Variants in OSBPL8 observed in about 807,000 individuals in gnomAD.
OSBPL8 encodes the protein oxysterol binding protein like 8.
In OSBPL8, 59 loss-of-function variants were observed where a neutral mutation model predicts 125.5. The ratio of observed to expected loss-of-function variants is 0.47; its 90% CI spans 0.38 to 0.58. OSBPL8 has a LOEUF of 0.58. OSBPL8 is among the 20% of genes least tolerant of loss of function. The pLI is 0.00. For missense variants in OSBPL8, 758 were observed against 1,047.8 expected, an observed-to-expected ratio of 0.72 and a Z score of 3.82; for synonymous variants, 330 against 338.9, an observed-to-expected ratio of 0.97 and a Z score of 0.29.
At chr12:76,442,797 T>C (rs1446002847) in intron 4 of OSBPL8, among the ~76,000 whole-genome samples, 1 of 152,218 alleles carries the variant, frequency 6.6e-6, no homozygotes, top group Non-Finnish European at 1.5e-5. Flanking sequence ...TTCTAGGTCT[T>C]TCTTATCTGT....
intron 4 of OSBPL8, among the ~76,000 whole-genome samples, chr12:76,418,411 C>G (rs995654253): frequency 2.0e-4 from 31 of 152,122 alleles, no homozygotes; most frequent in African/African-American, 7.5e-4. Flanking sequence ...AAGCCAAATT[C>G]CTTCCAAATG....
intron 1 of OSBPL8, among the ~76,000 whole-genome samples, chr12:76,499,465 C>T (rs1351035643): frequency 6.6e-6 from 1 of 152,090 alleles, no homozygotes; most frequent in Non-Finnish European, 1.5e-5. Flanking sequence ...TAGGCTCAAG[C>T]GATCAAGCGA....
chr12:76,426,215 T>C (rs1592661214), intron 4 of OSBPL8, among the ~76,000 whole-genome samples: 1 of 152,180 alleles, frequency 6.6e-6, no homozygotes, highest in South Asian at 2.1e-4. Flanking sequence ...TCAGATCATG[T>C]TCAAATAAGG....
intron 4 of OSBPL8, among the ~76,000 whole-genome samples, chr12:76,433,035 TA>T: frequency 6.6e-6 from 1 of 152,280 alleles, no homozygotes; most frequent in South Asian, 2.1e-4. Flanking sequence ...CATCTATTCA[TA>T]ACAAAAACTC....
intron 21 of OSBPL8, among the ~76,000 whole-genome samples, chr12:76,367,273 T>TA (rs1205594507): frequency 6.6e-6 from 1 of 150,758 alleles, no homozygotes; most frequent in Non-Finnish European, 1.5e-5. Context: ...TTGACCCTTT[T>TA]ATCAATACGC....
At chr12:76,410,419 C>T in intron 5 of OSBPL8, 145 bp downstream of exon 5, 1 of 558,386 alleles carries the variant, frequency 1.8e-6, no homozygotes, top group Non-Finnish European at 3.1e-6. Flanking sequence ...CCCAATGGAA[C>T]TTCACTCTTT....
intron 1 of OSBPL8, among the ~76,000 whole-genome samples, chr12:76,512,257 A>C (rs1592823703): frequency 6.6e-6 from 1 of 152,332 alleles, no homozygotes; most frequent in East Asian, 1.9e-4. Flanking sequence ...AGTTTGCTAA[A>C]GAAGAGAGCC....
At chr12:76,533,208 T>A (rs1026482819) in intron 1 of OSBPL8, among the ~76,000 whole-genome samples, 2 of 152,230 alleles carry the variant, frequency 1.3e-5, no homozygotes, top group African/African-American at 4.8e-5. Context: ...TGTTTCTTGC[T>A]AGGTTTTTAA....
intron 3 of OSBPL8, 102 bp downstream of exon 3, chr12:76,459,757 A>G: frequency 1.5e-6 from 2 of 1,336,814 alleles, no homozygotes; most frequent in Non-Finnish European, 2.1e-6. Context: ...AAAGTAGAAC[A>G]CTTAATAATT....
chr12:76,459,210 G>T (rs939691423), intron 3 of OSBPL8, among the ~76,000 whole-genome samples: 1 of 152,022 alleles, frequency 6.6e-6, no homozygotes, highest in Admixed American at 6.6e-5. Context: ...GCAATTCTAT[G>T]ATTTTTAATA....
chr12:76,478,281 T>A (rs748920225), intron 2 of OSBPL8, among the ~76,000 whole-genome samples: 2 of 152,108 alleles, frequency 1.3e-5, no homozygotes, highest in Non-Finnish European at 2.9e-5. Flanking sequence ...TCTGGAAAGT[T>A]CTACTGTGCC....
intron 16 of OSBPL8, among the ~76,000 whole-genome samples, chr12:76,376,304 C>T (rs1466442226): frequency 6.6e-6 from 1 of 152,190 alleles, no homozygotes; most frequent in Non-Finnish European, 1.5e-5. Flanking sequence ...GTCTAAGATG[C>T]TAAGGCAGCC....
rs146854959 is a variant in OSBPL8, at chr12:76,473,026, C to T, written c.43-13131G>A. Reference sequence around the variant, plus strand: ...AGACCATGGTCTGCTTGGCAACGGGCGTCTTTCCAGATGCTGGCGTTACCA... The same window carrying T: ...AGACCATGGTCTGCTTGGCAACGGGTGTCTTTCCAGATGCTGGCGTTACCA... On this transcript the variant is annotated intron_variant, in intron 2 of 23. Coordinates refer to ENST00000261183, the MANE Select transcript of OSBPL8 (RefSeq NM_020841.5). Among the ~76,000 whole-genome samples the T allele has an allele frequency of 1.0e-2, 1,515 of 152,184 alleles. 18 individuals carry two copies. Among genetic ancestry groups the T allele is most frequent in the Non-Finnish European group, 0.015 (1,016 of 68,008 alleles).
chr12:76,440,472 A>G (rs551728590), intron 4 of OSBPL8, among the ~76,000 whole-genome samples: 1 of 152,276 alleles, frequency 6.6e-6, no homozygotes, highest in East Asian at 1.9e-4. Flanking sequence ...TCTTCTCTAA[A>G]GAAGATTTGT....
rs1951967470 is a variant in OSBPL8 at position 76,355,968 on chromosome 12, T to C, written c.2591A>G (p.Tyr864Cys). The C allele has an allele frequency of 6.2e-7, 1 of 1,613,374 alleles. No individual in the cohort carries two copies. Among genetic ancestry groups the C allele is most frequent in the Non-Finnish European group, 8.5e-7 (1 of 1,179,638 alleles). The change falls in exon 24 of 24, where the codon TAT becomes TGT. Residue 864 changes from tyrosine (Y) to cysteine (C), a missense_variant. By Grantham distance (194) the Tyr-to-Cys change is radical (BLOSUM62 -2). This residue lies in a region of OSBPL8 where 572 missense variants were observed against 762.0 expected (regional missense o/e 0.75). Coordinates refer to ENST00000261183, the MANE Select transcript of OSBPL8 (RefSeq NM_020841.5). ...HLVSSTPATD[Y>C]FLQQKDYFII... Reference sequence around the variant, plus strand: ...GAAGTAGTCTTTTTGTTGCAGAAAATAATCCGTGGCCGGTGTGCTTGAAAC... The same window carrying C: ...GAAGTAGTCTTTTTGTTGCAGAAAACAATCCGTGGCCGGTGTGCTTGAAAC...
chr12:76,384,773 G>A (rs1430983991), intron 14 of OSBPL8, among the ~76,000 whole-genome samples: 1 of 152,186 alleles, frequency 6.6e-6, no homozygotes, highest in East Asian at 1.9e-4. Flanking sequence ...CAACAGCCAG[G>A]TGATGAACCT....
At chr12:76,364,498 C>T (rs370503481) in intron 21 of OSBPL8, among the ~76,000 whole-genome samples, 5 of 151,996 alleles carry the variant, frequency 3.3e-5, no homozygotes, top group East Asian at 3.9e-4. Flanking sequence ...CGGGACCTGT[C>T]GGTGGGTGGG....
intron 1 of OSBPL8, among the ~76,000 whole-genome samples, chr12:76,490,046 C>G (rs923695673): frequency 1.3e-5 from 2 of 152,174 alleles, no homozygotes; most frequent in Admixed American, 1.3e-4. Context: ...AGCAAGACAA[C>G]TAGAATTAGA....
At chr12:76,436,128 C>T (rs1871412102) in intron 4 of OSBPL8, among the ~76,000 whole-genome samples, 1 of 152,088 alleles carries the variant, frequency 6.6e-6, no homozygotes, top group African/African-American at 2.4e-5. Context: ...ACTGGTGTCT[C>T]CACTCCCTTT....
Sources: gnomAD v4.1 joint callset for allele counts (sites outside exome capture counted in the v4.1 genomes callset) on GRCh38, gnomAD v4.1.1 for gene constraint, gnomAD v4.1.1 regional missense constraint, MANE v1.5 for transcripts, NCBI Gene and HGNC (gene_info 2026-07-23, HGNC 2026-07-21) for gene names.